The following HTRA1 variants were observed in gnomAD, a reference collection of about 807,000 sequenced individuals.
HTRA1 encodes the protein serine protease HTRA1.
HTRA1 carries 26 observed loss-of-function variants against 49.7 expected under a neutral mutation model. The ratio of observed to expected loss-of-function variants is 0.52; its 90% confidence interval spans 0.38 to 0.73. The LOEUF (loss-of-function observed/expected upper bound fraction) is 0.73, where lower values mean the gene tolerates loss of function less well. HTRA1 is among the 30% of genes least tolerant of loss of function. HTRA1 has a pLI of 0.00. For synonymous variants in HTRA1, 291 were observed against 286.9 expected, an observed-to-expected ratio of 1.01 and a Z score of -0.14; for missense variants, 561 against 667.2, an observed-to-expected ratio of 0.84 and a Z score of 1.75.
In HTRA1 at chr10:122,490,583, A is replaced by G. The variant is rs752247959; in HGVS notation, c.777+957A>G. Among the ~76,000 whole-genome samples, 3 of 152,182 alleles carry G rather than the reference A, an allele frequency of 2.0e-5. No individual in the cohort carries two copies. Among genetic ancestry groups the G allele is most frequent in the Non-Finnish European group, 4.4e-5 (3 of 68,038 alleles). ...TTCTAGACTTCAGATGGAGGGAACA[A>G]TCAGAGGAGGCTGGAATCCTGCCTC... On this transcript the variant is annotated intron_variant, in intron 3 of 8. Coordinates refer to ENST00000368984, the MANE Select transcript of HTRA1 (RefSeq NM_002775.5). This position sits in a 1 kb window ranked among gnomAD's most constrained non-coding sequence, Gnocchi z 4.2.
intron 1 of HTRA1, among the ~76,000 whole-genome samples, chr10:122,479,954 A>G (rs1201855242): frequency 6.6e-6 from 1 of 152,082 alleles, no homozygotes; most frequent in Non-Finnish European, 1.5e-5. Context: ...AGGTGTTGAA[A>G]TGCACCTGGG....
chr10:122,466,834 G>A (rs889850884), intron 1 of HTRA1, among the ~76,000 whole-genome samples: 1 of 152,170 alleles, frequency 6.6e-6, no homozygotes, highest in Non-Finnish European at 1.5e-5. Context: ...AAACTTGGAG[G>A]TCTTTTGAGC....
At chr10:122,510,850 T>C (rs1056797424) in intron 7 of HTRA1, among the ~76,000 whole-genome samples, 1 of 152,248 alleles carries the variant, frequency 6.6e-6, no homozygotes, top group Admixed American at 6.5e-5. Flanking sequence ...AATGATTCAC[T>C]CACTGTGAAA....
At chr10:122,507,817 C>T (rs1365190774) in intron 5 of HTRA1, among the ~76,000 whole-genome samples, 4 of 152,190 alleles carry the variant, frequency 2.6e-5, no homozygotes, top group Admixed American at 2.0e-4. Flanking sequence ...CACATTTTCT[C>T]TTGGCCAGGA....
intron 1 of HTRA1, among the ~76,000 whole-genome samples, chr10:122,477,245 G>A (rs1315839186): frequency 3.9e-5 from 6 of 152,128 alleles, no homozygotes; most frequent in Non-Finnish European, 5.9e-5. Context: ...GGGATTACAG[G>A]TGTGAGCCAC....
chr10:122,477,245 G>T (rs1315839186), intron 1 of HTRA1, among the ~76,000 whole-genome samples: 1 of 152,128 alleles, frequency 6.6e-6, no homozygotes, highest in South Asian at 2.1e-4. Flanking sequence ...GGGATTACAG[G>T]TGTGAGCCAC....
chr10:122,486,532 G>A (rs935905922), intron 1 of HTRA1, among the ~76,000 whole-genome samples: 10 of 152,184 alleles, frequency 6.6e-5, no homozygotes, highest in Admixed American at 4.6e-4. Context: ...GAAAGCAAGC[G>A]TGGGAGAGGC....
chr10:122,489,606 C>G lies in HTRA1; in HGVS notation c.757C>G (p.Leu253Val), dbSNP rs761483308. 1 of 1,613,734 alleles carries G rather than the reference C, an allele frequency of 6.2e-7. No homozygotes were observed. Among genetic ancestry groups the G allele is most frequent in the Non-Finnish European group, 8.5e-7 (1 of 1,179,928 alleles). ...TGTGGATGAGAAAGCAGACATCGCA[C>G]TCATCAAAATTGACCACCAGGTAAG... The part of the protein sequence containing the change: ...KDVDEKADIA[L>V]IKIDHQGKLP... Residue 253 changes from leucine (L) to valine (V), a missense_variant, in exon 3 of 9, where the codon CTC becomes GTC. Coordinates refer to ENST00000368984, the MANE Select transcript of HTRA1 (RefSeq NM_002775.5).
rs897524347 is a variant in HTRA1, at chr10:122,514,193, G to A, written c.1277G>A (p.Gly426Asp). 3 of 1,613,688 alleles carry A rather than the reference G, an allele frequency of 1.9e-6. No homozygotes were observed. The highest frequency in any genetic ancestry group is 2.5e-6 in the Non-Finnish European group (3 of 1,179,922). The stretch of plus-strand genomic sequence containing the variant: ...TTGTGTTTCCCTTTGTGTTGCAGTG[G>A]TGGTCTCAAGGAAAACGACGTCATA... ...EVIPDTPAEA[G>D]GLKENDVIIS... Residue 426 changes from glycine to aspartate, a missense_variant and splice_region_variant, in exon 9 of 9, where the codon GGT becomes GAT. By Grantham distance (94) the Gly-to-Asp change is moderately conservative. This residue lies in a region of HTRA1 where 179 missense variants were observed against 173.4 expected (regional missense o/e 1.03). Coordinates refer to ENST00000368984, the MANE Select transcript of HTRA1 (RefSeq NM_002775.5).
At chr10:122,462,323 G>A (rs1171741055) in intron 1 of HTRA1, among the ~76,000 whole-genome samples, 199 bp downstream of exon 1, 1 of 152,252 alleles carries the variant, frequency 6.6e-6, no homozygotes, top group Admixed American at 6.5e-5. Flanking sequence ...CCAGCCCGGG[G>A]CCGGTTCTGC....
Position 122,489,428 on chromosome 10 carries a change from G to A in HTRA1, c.579G>A (p.Pro193=), listed in dbSNP as rs772327746. The stretch of plus-strand genomic sequence containing the variant: ...GTACTCCTTTGGATTTTAGGCTTCC[G>A]TTTTCTAAACGAGAGGTGCCGGTGG... The part of the protein sequence containing the change: ...VVHIELFRKL[P]FSKREVPVAS... The change falls in exon 3 of 9, where the codon CCG becomes CCA. Residue 193 remains proline (P), a synonymous_variant. Coordinates refer to ENST00000368984, the MANE Select transcript of HTRA1 (RefSeq NM_002775.5). The A allele has an allele frequency of 5.6e-6, 9 of 1,614,030 alleles. No individual in the cohort carries two copies. Among genetic ancestry groups the A allele is most frequent in the East Asian group, 2.2e-5 (1 of 44,882 alleles).
intron 1 of HTRA1, among the ~76,000 whole-genome samples, chr10:122,481,590 G>A (rs1012477549): frequency 1.3e-5 from 2 of 152,194 alleles, no homozygotes; most frequent in Admixed American, 1.3e-4. Flanking sequence ...AGGGATTCAG[G>A]CCCAACCACT....
chr10:122,469,591 A>C (rs2097485259), intron 1 of HTRA1, among the ~76,000 whole-genome samples: 1 of 152,244 alleles, frequency 6.6e-6, no homozygotes, highest in Non-Finnish European at 1.5e-5. Context: ...AGCCACTGCC[A>C]CTGGGTGCTC....
At chr10:122,491,053 C>T (rs2097495554) in intron 3 of HTRA1, among the ~76,000 whole-genome samples, 2 of 152,316 alleles carry the variant, frequency 1.3e-5, no homozygotes, top group South Asian at 2.1e-4. Context: ...TATTAGGTCA[C>T]TGTGGAATTT....
intron 1 of HTRA1, among the ~76,000 whole-genome samples, chr10:122,472,509 C>T (rs531609069): frequency 6.6e-6 from 1 of 151,922 alleles, no homozygotes; most frequent in East Asian, 1.9e-4. Context: ...AGTTCTCATG[C>T]CTCAGCCTCC....
At chr10:122,488,100 C>T (rs940767826) in intron 1 of HTRA1, among the ~76,000 whole-genome samples, 8 of 152,084 alleles carry the variant, frequency 5.3e-5, no homozygotes, top group African/African-American at 7.2e-5. Context: ...TAGGAGCTGC[C>T]CCTTTGCCTT....
chr10:122,461,744 C>T lies in HTRA1; in HGVS notation c.92C>T (p.Ala31Val), dbSNP rs1381357974. 4.1e-5 allele frequency: 47 copies of T among 1,137,730 alleles called. No homozygotes were observed. The highest frequency in any genetic ancestry group is 8.5e-5 in the Admixed American group (2 of 23,544). The allele number at this position is 1,137,730 out of a possible 1,614,324, so 70.5% of individuals were successfully genotyped here. ...SAQLSRAGRS[A>V]PLAAGCPDRC... Reference sequence around the variant, plus strand: ...CAGCTGTCCCGGGCCGGCCGCTCGGCGCCTTTGGCCGCCGGGTGCCCAGAC... The same window carrying T: ...CAGCTGTCCCGGGCCGGCCGCTCGGTGCCTTTGGCCGCCGGGTGCCCAGAC... Residue 31 changes from alanine to valine, a missense_variant, in exon 1 of 9, where the codon GCG becomes GTG. Transcript: ENST00000368984.
At chr10:122,511,658 G>A (rs183483010) in intron 7 of HTRA1, among the ~76,000 whole-genome samples, 21 of 151,712 alleles carry the variant, frequency 1.4e-4, no homozygotes, top group African/African-American at 3.9e-4. Flanking sequence ...GCTTGAACCC[G>A]GGATATGTAG....
At chr10:122,511,626 G>A (rs759145985) in intron 7 of HTRA1, among the ~76,000 whole-genome samples, 7 of 151,892 alleles carry the variant, frequency 4.6e-5, no homozygotes, top group Non-Finnish European at 8.8e-5. Flanking sequence ...CCAGCTACTC[G>A]GGTGGCTGAG....
Sources: gnomAD v4.1 joint callset for allele counts (sites outside exome capture counted in the v4.1 genomes callset) on GRCh38, gnomAD v4.1.1 for gene constraint, gnomAD v4.1.1 regional missense constraint, Gnocchi (gnomAD v3.1) non-coding constraint, MANE v1.5 for transcripts, NCBI Gene and HGNC (gene_info 2026-07-23, HGNC 2026-07-21) for gene names.